ZHX2: variants seen among roughly 807,000 people sequenced by gnomAD.
The protein encoded by ZHX2 is zinc fingers and homeoboxes 2, also known as zinc fingers and homeoboxes protein 2.
ZHX2 carries 6 observed loss-of-function variants against 21.9 expected under a neutral mutation model. The ratio of observed to expected loss-of-function variants is 0.27; its 90% confidence interval spans 0.15 to 0.54. The LOEUF is 0.54. ZHX2 is among the 20% of genes least tolerant of loss of function. The pLI is 0.95. For missense variants in ZHX2, 908 were observed against 1,090.7 expected (o/e 0.83, Z 2.36); for synonymous variants, 434 against 437.1 (o/e 0.99, Z 0.09).
intron 1 of ZHX2, among the ~76,000 whole-genome samples, chr8:122,851,503 T>C (rs1818900291): frequency 6.6e-6 from 1 of 152,230 alleles, no homozygotes; most frequent in Admixed American, 6.5e-5. Context: ...CCCTTTATTC[T>C]GGTTTTTCTT....
chr8:122,801,771 A>G (rs1167840554), intron 1 of ZHX2, among the ~76,000 whole-genome samples: 1 of 152,174 alleles, frequency 6.6e-6, no homozygotes, highest in South Asian at 2.1e-4. Flanking sequence ...AAGAGATTAA[A>G]GAGGCAGAGA....
chr8:122,849,852 T>A (rs188625012), intron 1 of ZHX2, among the ~76,000 whole-genome samples: 3 of 152,328 alleles, frequency 2.0e-5, no homozygotes, highest in African/African-American at 7.2e-5. Flanking sequence ...GCCTACCATG[T>A]TATGGAGTTT....
At chr8:122,890,184 A>T (rs1322957548) in intron 2 of ZHX2, among the ~76,000 whole-genome samples, 2 of 152,064 alleles carry the variant, frequency 1.3e-5, no homozygotes, top group African/African-American at 4.8e-5. Flanking sequence ...GTGGATATTC[A>T]GTTTTCCCAG....
At chr8:122,959,397 A>G (rs999588493) in intron 3 of ZHX2, among the ~76,000 whole-genome samples, 1 of 149,674 alleles carries the variant, frequency 6.7e-6, no homozygotes, top group African/African-American at 2.5e-5. Flanking sequence ...TGAATGAATG[A>G]ACGAACGAAT....
At chr8:122,798,447 T>C (rs1045241370) in intron 1 of ZHX2, among the ~76,000 whole-genome samples, 3 of 152,048 alleles carry the variant, frequency 2.0e-5, no homozygotes, top group Non-Finnish European at 2.9e-5. Flanking sequence ...TGGTGGTGCG[T>C]TGGAATTTTG....
rs1221727048 is a variant in ZHX2, at chr8:122,953,210, A to G, written c.1700A>G (p.Lys567Arg). 37 of 1,613,784 alleles carry G rather than the reference A, an allele frequency of 2.3e-5. No individual in the cohort carries two copies. The highest frequency in any genetic ancestry group is 3.1e-5 in the Non-Finnish European group (37 of 1,180,006). ...CTGGATCGGCTAAGGGTGGAGACCA[A>G]GCTGAGCAGGAGAGAGATCGACTCC... The part of the protein sequence containing the change: ...AELDRLRVET[K>R]LSRREIDSWF... The change falls in exon 3 of 4, where the codon AAG (lysine) becomes AGG (arginine). Residue 567 changes from lysine to arginine, a missense_variant. Lys to Arg is a conservative substitution (Grantham distance 26, BLOSUM62 2). Coordinates refer to ENST00000314393, the MANE Select transcript of ZHX2 (RefSeq NM_014943.5). This position sits in a 1 kb window ranked among gnomAD's most constrained non-coding sequence, Gnocchi z 4.6.
chr8:122,937,622 C>T (rs140884193), intron 2 of ZHX2, among the ~76,000 whole-genome samples: 1,920 of 151,656 alleles, frequency 0.013, 41 homozygotes, highest in African/African-American at 0.044. Flanking sequence ...CTCTGTCACC[C>T]AGGCTGGAGT....
chr8:122,813,187 ACT>A (rs1299226000), intron 1 of ZHX2, among the ~76,000 whole-genome samples: 2 of 147,950 alleles, frequency 1.4e-5, no homozygotes, highest in Admixed American at 6.8e-5. Context: ...CAAGAGTGAA[ACT>A]CTGTCTCAAA....
chr8:122,923,257 G>T (rs1820779707), intron 2 of ZHX2, among the ~76,000 whole-genome samples: 1 of 152,316 alleles, frequency 6.6e-6, no homozygotes, highest in South Asian at 2.1e-4. Flanking sequence ...AGCAGTTATG[G>T]CTTGTCTGTA....
chr8:122,837,565 T>C (rs1818531213), intron 1 of ZHX2, among the ~76,000 whole-genome samples: 1 of 152,208 alleles, frequency 6.6e-6, no homozygotes, highest in African/African-American at 2.4e-5. Context: ...CTAGTCAGGG[T>C]GTAATTCGGC....
At chr8:122,960,164 G>A (rs1813407975) in intron 3 of ZHX2, among the ~76,000 whole-genome samples, 1 of 152,158 alleles carries the variant, frequency 6.6e-6, no homozygotes, top group African/African-American at 2.4e-5. Flanking sequence ...ACACTGACAT[G>A]TTCTTTGGTG....
chr8:122,952,083 A>T lies in ZHX2; in HGVS notation c.573A>T (p.Lys191Asn), dbSNP rs767709179. 1.9e-6 allele frequency: 3 copies of T among 1,613,094 alleles called. No homozygotes were observed. Among genetic ancestry groups the T allele is most frequent in the Non-Finnish European group, 2.5e-6 (3 of 1,179,784 alleles). Residue 191 changes from lysine (K) to asparagine (N), a missense_variant, in exon 3 of 4, where the codon AAA (lysine) becomes AAT (asparagine). By Grantham distance (94) the Lys-to-Asn change is moderately conservative. Transcript: ENST00000314393. The surrounding 1 kb of genome is among the most constrained non-coding windows in gnomAD (Gnocchi z 6.9). ...VSKTPIMKPG[K>N]PKADAKKVPK... ...AAACCCCCATCATGAAGCCTGGAAA[A>T]CCAAAAGCGGATGCCAAGAAGGTGC... is the stretch of plus-strand genomic sequence containing the variant.
chr8:122,940,810 G>A (rs994961303), intron 2 of ZHX2, among the ~76,000 whole-genome samples: 1 of 152,176 alleles, frequency 6.6e-6, no homozygotes, highest in Non-Finnish European at 1.5e-5. Flanking sequence ...TCAAGCAGCA[G>A]GCATGGAGCC....
chr8:122,967,514 C>T (rs1430282184), intron 3 of ZHX2, among the ~76,000 whole-genome samples: 1 of 152,198 alleles, frequency 6.6e-6, no homozygotes, highest in Admixed American at 6.5e-5. Context: ...CTTCAGGTCT[C>T]CCAGTCTTGG....
chr8:122,839,413 G>C (rs1265913263), intron 1 of ZHX2, among the ~76,000 whole-genome samples: 1 of 152,186 alleles, frequency 6.6e-6, no homozygotes, highest in African/African-American at 2.4e-5. Flanking sequence ...CCCTCGGTGT[G>C]AAGTGGCAGA....
At chr8:122,961,613 G>A (rs1394053059) in intron 3 of ZHX2, among the ~76,000 whole-genome samples, 1 of 152,160 alleles carries the variant, frequency 6.6e-6, no homozygotes, top group Non-Finnish European at 1.5e-5. Context: ...GGGGAAGCAA[G>A]GCACCTTCTT....
At chr8:122,870,307 G>A (rs1368196414) in intron 2 of ZHX2, among the ~76,000 whole-genome samples, 1 of 152,004 alleles carries the variant, frequency 6.6e-6, no homozygotes, top group African/African-American at 2.4e-5. Flanking sequence ...TTAACCAAGG[G>A]AGTGATATGA....
At chr8:122,942,501 A>T (rs966040381) in intron 2 of ZHX2, among the ~76,000 whole-genome samples, 1 of 152,130 alleles carries the variant, frequency 6.6e-6, no homozygotes, top group African/African-American at 2.4e-5. Flanking sequence ...CCTGAGAGCG[A>T]GCAGCTCTTG....
intron 2 of ZHX2, among the ~76,000 whole-genome samples, chr8:122,931,911 T>G (rs1384741526): frequency 6.6e-6 from 1 of 152,042 alleles, no homozygotes; most frequent in Non-Finnish European, 1.5e-5. Context: ...GGGGTGGTCA[T>G]AGTGGAAAAT....
Sources: gnomAD v4.1 joint callset for allele counts (sites outside exome capture counted in the v4.1 genomes callset) on GRCh38, gnomAD v4.1.1 for gene constraint, Gnocchi (gnomAD v3.1) non-coding constraint, MANE v1.5 for transcripts, NCBI Gene and HGNC (gene_info 2026-07-23, HGNC 2026-07-21) for gene names.